SORCS2: variants seen among roughly 807,000 people sequenced by gnomAD.
SORCS2 encodes the protein VPS10 domain-containing receptor SorCS2.
In SORCS2, 100 loss-of-function variants were observed where a neutral mutation model predicts 141.6. That is an observed-to-expected ratio of 0.71 (90% CI 0.60 to 0.83). The LOEUF (loss-of-function observed/expected upper bound fraction) is 0.83. SORCS2 is among the 40% of genes least tolerant of loss of function. The pLI is 0.00. For missense variants in SORCS2, 1,646 were observed against 1,560.2 expected (o/e 1.05, Z -0.93); for synonymous variants, 789 against 676.9 (o/e 1.17, Z -2.57).
At position 7,633,952 on chromosome 4, in the gene SORCS2, C is replaced by T. The variant is rs184236222; in HGVS notation, c.649-4376C>T. Among the ~76,000 whole-genome samples, 71 of 121,692 alleles carry T rather than the reference C, an allele frequency of 5.8e-4. 24 individuals carry two copies. The highest frequency in any genetic ancestry group is 3.8e-3 in the Middle Eastern group (1 of 266). The allele number at this position is 121,692 out of a possible 152,430, so 79.8% of individuals were successfully genotyped here. A position where few individuals can be genotyped will look rare whatever the true frequency, so the allele number is the denominator to read the frequency against. ...AGTGCTTTAATGAGGGGGATTTGGG[C>T]TTCCCTGGCCAAATGGCACAGACGT... On this transcript the variant is annotated intron_variant, in intron 3 of 26. Coordinates refer to ENST00000507866, the MANE Select transcript of SORCS2 (RefSeq NM_020777.3).
intron 2 of SORCS2, among the ~76,000 whole-genome samples, chr4:7,443,724 C>T (rs574883875): frequency 1.5e-4 from 23 of 152,370 alleles, no homozygotes; most frequent in African/African-American, 4.8e-4. Context: ...ACCTTCTTTC[C>T]GAGGCCTCAG....
chr4:7,275,467 G>T (rs1456281428), intron 1 of SORCS2, among the ~76,000 whole-genome samples: 1 of 152,146 alleles, frequency 6.6e-6, no homozygotes, highest in Non-Finnish European at 1.5e-5. Flanking sequence ...TCTGCTCTGC[G>T]ATGTTGCCAG....
chr4:7,676,749 CG>C (rs1723147609), intron 9 of SORCS2, among the ~76,000 whole-genome samples: 1 of 62,950 alleles, frequency 1.6e-5, no homozygotes, highest in African/African-American at 7.3e-5. Context: ...TCTCCACCCC[CG>C]CCCTGTCATC....
chr4:7,730,282 C>T (rs558139982), intron 23 of SORCS2, among the ~76,000 whole-genome samples: 4 of 152,142 alleles, frequency 2.6e-5, no homozygotes, highest in Non-Finnish European at 5.9e-5. Flanking sequence ...CCAAGTGTTG[C>T]CAAGGAAGCA....
chr4:7,608,850 G>T (rs556863516), intron 3 of SORCS2, among the ~76,000 whole-genome samples: 2 of 152,230 alleles, frequency 1.3e-5, no homozygotes, highest in South Asian at 4.1e-4. Context: ...GGCCGGGCAG[G>T]ATTTGTCACA....
chr4:7,647,711 C>A (rs1721170655), intron 4 of SORCS2, among the ~76,000 whole-genome samples: 2 of 152,214 alleles, frequency 1.3e-5, no homozygotes, highest in South Asian at 4.1e-4. Flanking sequence ...TCGCCAGCCA[C>A]CCAGGATTTG....
Position 7,640,407 on chromosome 4 carries a change from GGTGA to G in SORCS2, c.813+1919_813+1922del, listed in dbSNP as rs1252999997. On this transcript the variant is annotated intron_variant, in intron 4 of 26. Coordinates refer to ENST00000507866, the MANE Select transcript of SORCS2 (RefSeq NM_020777.3). Reference sequence around the variant, plus strand: ...GTGTGTGGGTGTGTGAGTGTGTGTGGGTGAGTGTGTGTGATCGTGTGTGTGAGTC... The same window carrying G: ...GTGTGTGGGTGTGTGAGTGTGTGTGGGTGTGTGTGATCGTGTGTGTGAGTC... Among the ~76,000 whole-genome samples the G allele has an allele frequency of 1.9e-3, 245 of 130,006 alleles. 5 individuals carry two copies. Among genetic ancestry groups the G allele is most frequent in the African/African-American group, 6.6e-3 (227 of 34,392 alleles). 85.3% of individuals were successfully genotyped at this position (130,006 alleles called of 152,430 possible).
rs1716214269 is a variant in SORCS2, at chr4:7,286,237, C to A, written c.480+93111C>A. On this transcript the variant is annotated intron_variant, in intron 1 of 26. Coordinates refer to ENST00000507866, the MANE Select transcript of SORCS2 (RefSeq NM_020777.3). The surrounding 1 kb of genome is among the most constrained non-coding windows in gnomAD (Gnocchi z 4.1). The stretch of plus-strand genomic sequence containing the variant: ...TGAGTCTCCTCGCGTGGGAAGTGGG[C>A]ACAGCCTCATGGTGTCTCCGTAGAA... 6.6e-6 allele frequency among the ~76,000 whole-genome samples: 1 copy of A among 152,202 alleles called. No homozygotes were observed. Among genetic ancestry groups the A allele is most frequent in the Non-Finnish European group, 1.5e-5 (1 of 68,036 alleles).
intron 2 of SORCS2, among the ~76,000 whole-genome samples, chr4:7,485,172 C>T (rs1011894420): frequency 1.3e-5 from 2 of 152,236 alleles, no homozygotes; most frequent in Non-Finnish European, 2.9e-5. Flanking sequence ...TCCAGGACAT[C>T]ACAGCCCTCC....
At chr4:7,724,118 G>GTGGTGA (rs1553808082) in intron 19 of SORCS2, among the ~76,000 whole-genome samples, 12 of 87,446 alleles carry the variant, frequency 1.4e-4, no homozygotes, top group South Asian at 8.5e-4. Flanking sequence ...GGTGGTGATG[G>GTGGTGA]TGGTGGTGGT....
chr4:7,664,663 G>A lies in SORCS2; in HGVS notation c.1071+192G>A, dbSNP rs1722393873. ...ATCCACAGAAGCCCTCGCAAGCCCA[G>A]AACTGTGGCTCAGGGACACTGAGGC... is the stretch of plus-strand genomic sequence containing the variant. On this transcript the variant is annotated intron_variant, in intron 7 of 26. Transcript: ENST00000507866. The surrounding 1 kb of genome is among the most constrained non-coding windows in gnomAD (Gnocchi z 4.7). Among the ~76,000 whole-genome samples the A allele has an allele frequency of 1.3e-5, 2 of 152,174 alleles. No homozygotes were observed. Among genetic ancestry groups the A allele is most frequent in the African/African-American group, 4.8e-5 (2 of 41,452 alleles).
chr4:7,582,939 C>T (rs1470751316), intron 3 of SORCS2, among the ~76,000 whole-genome samples: 1 of 152,192 alleles, frequency 6.6e-6, no homozygotes, highest in Non-Finnish European at 1.5e-5. Flanking sequence ...CCCCACCCAC[C>T]GTGGGCTTAT....
chr4:7,288,933 C>G (rs756034500), intron 1 of SORCS2, among the ~76,000 whole-genome samples: 1 of 151,986 alleles, frequency 6.6e-6, no homozygotes, highest in African/African-American at 2.4e-5. Flanking sequence ...GGTGTCTGTG[C>G]CACCTCCTCC....
In SORCS2 at chr4:7,572,027, A is replaced by G. The variant is rs145611935; in HGVS notation, c.648+40398A>G. Among the ~76,000 whole-genome samples the G allele has an allele frequency of 8.5e-5, 13 of 152,192 alleles. No homozygotes were observed. The East Asian group carries it at 2.5e-3, about 29-fold the overall frequency. On this transcript the variant is annotated intron_variant, in intron 3 of 26. Transcript: ENST00000507866. ...ACCTGACAGTCTGTGCTTTGCCCCTACGTATGTCTGGGGGCAGCTGCTGGG... is the reference window on the plus strand; with the variant it reads ...ACCTGACAGTCTGTGCTTTGCCCCTGCGTATGTCTGGGGGCAGCTGCTGGG...
intron 1 of SORCS2, among the ~76,000 whole-genome samples, chr4:7,289,408 G>A (rs536350425): frequency 3.3e-5 from 5 of 152,246 alleles, no homozygotes; most frequent in South Asian, 4.1e-4. Context: ...GGCAAGGCCC[G>A]GCTGTCATCC....
At chr4:7,722,940 G>C (rs1726694199) in intron 18 of SORCS2, among the ~76,000 whole-genome samples, 1 of 152,174 alleles carries the variant, frequency 6.6e-6, no homozygotes, top group African/African-American at 2.4e-5. Context: ...TGCCGGCGAG[G>C]GAGGAAGAGG....
intron 2 of SORCS2, chr4:7,433,265 C>T: frequency 7.5e-7 from 1 of 1,336,376 alleles, no homozygotes; most frequent in South Asian, 2.5e-5. Context: ...GGGGAAAGCA[C>T]CCACCTCATG....
intron 1 of SORCS2, among the ~76,000 whole-genome samples, chr4:7,376,433 C>G (rs1003503521): frequency 6.6e-6 from 1 of 152,032 alleles, no homozygotes. Context: ...AAAAATTAGC[C>G]GGGTGTGGTG....
intron 3 of SORCS2, among the ~76,000 whole-genome samples, chr4:7,540,877 A>C (rs1283523460): frequency 6.6e-6 from 1 of 152,252 alleles, no homozygotes; most frequent in Non-Finnish European, 1.5e-5. Context: ...TCAGCAGCTC[A>C]GGCCTGGCCC....
Sources: allele counts gnomAD v4.1 joint callset (sites outside exome capture counted in the v4.1 genomes callset), GRCh38; gene constraint gnomAD v4.1.1; non-coding constraint Gnocchi (gnomAD v3.1); transcripts MANE v1.5; gene names NCBI Gene and HGNC (gene_info 2026-07-23, HGNC 2026-07-21).